Variants in TAS1R1 observed in about 807,000 individuals in gnomAD.
TAS1R1 encodes taste receptor type 1 member 1.
A neutral mutation model predicts 45.8 loss-of-function variants in TAS1R1; 31 were observed. The observed-to-expected ratio is 0.68, with a 90% CI of 0.51 to 0.91. The LOEUF (loss-of-function observed/expected upper bound fraction) is 0.91, where lower values mean the gene tolerates loss of function less well. TAS1R1 is among the 40% of genes least tolerant of loss of function. TAS1R1 has a pLI of 0.00. For missense variants in TAS1R1, 1,051 were observed against 1,063.9 expected (o/e 0.99, Z 0.17); for synonymous variants, 437 against 448.4 (o/e 0.97, Z 0.32).
intron 1 of TAS1R1, among the ~76,000 whole-genome samples, chr1:6,566,842 G>A (rs569986230): frequency 2.1e-4 from 32 of 152,276 alleles, no homozygotes; most frequent in Non-Finnish European, 3.8e-4. Flanking sequence ...TGATCTGCCC[G>A]CCTCGGCCTC....
chr1:6,574,656 C>T lies in TAS1R1; in HGVS notation c.524C>T (p.Thr175Met), dbSNP rs768966083. 7.5e-6 allele frequency: 12 copies of T among 1,609,134 alleles called. No individual in the cohort carries two copies. The highest frequency in any genetic ancestry group is 2.2e-5 in the South Asian group (2 of 90,622). ...ATTAGCTATGCGGCCAGCAGCGAGACGCTCAGCGTGAAGCGGCAGTATCCC... is the reference window on the plus strand; with the variant it reads ...ATTAGCTATGCGGCCAGCAGCGAGATGCTCAGCGTGAAGCGGCAGTATCCC... ...PMISYAASSE[T>M]LSVKRQYPSF... Residue 175 changes from threonine (T) to methionine (M), a missense_variant, in exon 3 of 6, where the codon ACG (threonine) becomes ATG (methionine). By Grantham distance (81) the Thr-to-Met change is moderately conservative. Transcript: ENST00000333172. This position sits in a 1 kb window ranked among gnomAD's most constrained non-coding sequence, Gnocchi z 4.3.
At chr1:6,578,550 C>T in intron 5 of TAS1R1, 103 bp from the exon 6 acceptor site, 1 of 1,502,568 alleles carries the variant, frequency 6.7e-7, no homozygotes, top group Admixed American at 2.4e-5. Context: ...CTAGTATAGT[C>T]TAGCTGCCCT....
At chr1:6,568,723 C>G (rs994367583) in intron 1 of TAS1R1, among the ~76,000 whole-genome samples, 1 of 152,112 alleles carries the variant, frequency 6.6e-6, no homozygotes, top group African/African-American at 2.4e-5. Context: ...TACTGGGGAA[C>G]AGCAGCAGCT....
chr1:6,561,325 C>T (rs1639784128), intron 1 of TAS1R1, among the ~76,000 whole-genome samples: 1 of 152,158 alleles, frequency 6.6e-6, no homozygotes, highest in South Asian at 2.1e-4. Flanking sequence ...AGTATAGAAA[C>T]AGCACTCTTC....
chr1:6,574,739 C>T lies in TAS1R1; in HGVS notation c.607C>T (p.Leu203=). 1 of 1,614,266 alleles carries T rather than the reference C, an allele frequency of 6.2e-7. No individual in the cohort carries two copies. The highest frequency in any genetic ancestry group is 1.3e-5 in the African/African-American group (1 of 75,078). The change falls in exon 3 of 6, where the codon CTG becomes TTG. Residue 203 remains leucine (L), a synonymous_variant. Transcript: ENST00000333172. This position sits in a 1 kb window ranked among gnomAD's most constrained non-coding sequence, Gnocchi z 4.3. ...CCAGGTGGAGACCATGGTGCTGCTGCTGCAGAAGTTCGGGTGGACCTGGAT... is the reference window on the plus strand; with the variant it reads ...CCAGGTGGAGACCATGGTGCTGCTGTTGCAGAAGTTCGGGTGGACCTGGAT... The part of the protein sequence containing the change: ...KYQVETMVLL[L]QKFGWTWISL...
chr1:6,558,036 G>GTTTTTT (rs779773064), intron 1 of TAS1R1, among the ~76,000 whole-genome samples: 10 of 140,844 alleles, frequency 7.1e-5, no homozygotes, highest in East Asian at 4.2e-4. Context: ...GTAGTGGTTA[G>GTTTTTT]TTTTTGTTTT....
intron 1 of TAS1R1, among the ~76,000 whole-genome samples, chr1:6,568,132 T>C (rs568314135): frequency 6.6e-6 from 1 of 151,842 alleles, no homozygotes; most frequent in East Asian, 1.9e-4. Context: ...TGGGGGCAGA[T>C]TGGGAGATAA....
At chr1:6,559,089 T>G (rs1639736359) in intron 1 of TAS1R1, among the ~76,000 whole-genome samples, 1 of 151,958 alleles carries the variant, frequency 6.6e-6, no homozygotes, top group South Asian at 2.1e-4. Context: ...GAGACGGGGT[T>G]TCACCATGTT....
chr1:6,568,375 A>G (rs1024734395), intron 1 of TAS1R1, among the ~76,000 whole-genome samples: 4 of 151,944 alleles, frequency 2.6e-5, no homozygotes, highest in African/African-American at 9.7e-5. Flanking sequence ...GAATGGCGTG[A>G]ACCCGGGAGG....
At chr1:6,561,982 T>G (rs1032494310) in intron 1 of TAS1R1, among the ~76,000 whole-genome samples, 1 of 152,126 alleles carries the variant, frequency 6.6e-6, no homozygotes, top group Admixed American at 6.5e-5. Context: ...GCCCACATTA[T>G]TTATTGGTGA....
At chr1:6,557,732 C>G (rs1403012924) in intron 1 of TAS1R1, among the ~76,000 whole-genome samples, 1 of 152,144 alleles carries the variant, frequency 6.6e-6, no homozygotes, top group Non-Finnish European at 1.5e-5. Context: ...ACTGGGCCAG[C>G]CATTACAAAA....
chr1:6,561,710 G>A lies in TAS1R1; in HGVS notation c.191+6146G>A, dbSNP rs537496404. 1.0e-3 allele frequency among the ~76,000 whole-genome samples: 85 copies of A among 81,548 alleles called. 1 individual carries two copies. In the Admixed American group the frequency reaches 0.011, roughly 11 times the overall value. 53.5% of individuals were successfully genotyped at this position (81,548 alleles called of 152,430 possible). ...AGCTTGGGCAACAGAACGAGTTTCC[G>A]TCTCAAAAAAAAAAAAAAAGTCTAT... On this transcript the variant is annotated intron_variant, in intron 1 of 5. Coordinates refer to ENST00000333172, the MANE Select transcript of TAS1R1 (RefSeq NM_138697.4).
chr1:6,570,641 TTCTC>T (rs139480045), intron 1 of TAS1R1, among the ~76,000 whole-genome samples: 1 of 151,938 alleles, frequency 6.6e-6, no homozygotes, highest in Non-Finnish European at 1.5e-5. Flanking sequence ...ATTTCTCACT[TTCTC>T]TCTCTCTCTG....
chr1:6,571,278 G>A, intron 2 of TAS1R1, 63 bp downstream of exon 2: 1 of 1,446,902 alleles, frequency 6.9e-7, no homozygotes, highest in Non-Finnish European at 9.1e-7. Context: ...GGGGCATGTG[G>A]GCAAGAGCTG....
rs771151023 is a variant in TAS1R1 at position 6,571,092 on chromosome 1, C to A, written c.375C>A (p.His125Gln). The change falls in exon 2 of 6, where the codon CAC (histidine) becomes CAA (glutamine). Residue 125 changes from histidine to glutamine, a missense_variant. Transcript: ENST00000333172. The part of the protein sequence containing the change: ...TLRVLSLPGQ[H>Q]HIELQGDLLH... ...GAGTGCTCTCCCTGCCAGGGCAACA[C>A]CACATAGAGCTCCAAGGAGACCTTC... 6.2e-7 allele frequency: 1 copy of A among 1,614,142 alleles called. No individual in the cohort carries two copies. Among genetic ancestry groups the A allele is most frequent in the Non-Finnish European group, 8.5e-7 (1 of 1,179,992 alleles).
At chr1:6,575,591 T>G (rs1459330929) in intron 3 of TAS1R1, among the ~76,000 whole-genome samples, 199 bp downstream of exon 3, 1 of 152,110 alleles carries the variant, frequency 6.6e-6, no homozygotes, top group Admixed American at 6.5e-5. Flanking sequence ...CGATCTCGGC[T>G]CTCTGCAACT....
At chr1:6,573,597 G>A (rs955842712) in intron 2 of TAS1R1, among the ~76,000 whole-genome samples, 1 of 152,126 alleles carries the variant, frequency 6.6e-6, no homozygotes, top group African/African-American at 2.4e-5. Flanking sequence ...TTCTAAGGAC[G>A]GGTGTGTGAG....
At chr1:6,572,826 C>T (rs1640052991) in intron 2 of TAS1R1, among the ~76,000 whole-genome samples, 1 of 152,124 alleles carries the variant, frequency 6.6e-6, no homozygotes, top group Non-Finnish European at 1.5e-5. Flanking sequence ...CCCAACATTG[C>T]CACATCATGG....
At chr1:6,558,780 G>C (rs2148666373) in intron 1 of TAS1R1, among the ~76,000 whole-genome samples, 1 of 152,054 alleles carries the variant, frequency 6.6e-6, no homozygotes, top group African/African-American at 2.4e-5. Flanking sequence ...GCCAACTGCT[G>C]CGATCTTGGC....
Sources: allele counts gnomAD v4.1 joint callset (sites outside exome capture counted in the v4.1 genomes callset), GRCh38; gene constraint gnomAD v4.1.1; non-coding constraint Gnocchi (gnomAD v3.1); transcripts MANE v1.5; gene names NCBI Gene and HGNC (gene_info 2026-07-23, HGNC 2026-07-21).